The following ANKFY1 variants were observed in gnomAD, a reference collection of about 807,000 sequenced individuals.
The protein encoded by ANKFY1 is ankyrin repeat and FYVE domain-containing protein 1.
Under a neutral mutation model 128.3 loss-of-function variants are expected in ANKFY1, and 47 were observed. That is an observed-to-expected ratio of 0.37 (90% CI 0.29 to 0.47). The LOEUF (loss-of-function observed/expected upper bound fraction) is 0.47, where lower values mean the gene tolerates loss of function less well. ANKFY1 is among the 20% of genes least tolerant of loss of function. The pLI is 1.00. For synonymous variants in ANKFY1, 553 were observed against 601.6 expected (o/e 0.92, Z 1.18); for missense variants, 1,222 against 1,510.6 (o/e 0.81, Z 3.17).
At chr17:4,237,296 T>G (rs1307517716) in intron 2 of ANKFY1, among the ~76,000 whole-genome samples, 4 of 152,192 alleles carry the variant, frequency 2.6e-5, no homozygotes, top group Non-Finnish European at 5.9e-5. Context: ...CCAATGGATA[T>G]TAGATCACAA....
chr17:4,261,689 G>A (rs910980358), intron 1 of ANKFY1, among the ~76,000 whole-genome samples: 2 of 152,308 alleles, frequency 1.3e-5, no homozygotes, highest in South Asian at 2.1e-4. Context: ...GCTGGAACCC[G>A]ACTGCAAAGC....
At chr17:4,204,997 T>C (rs1199664417) in intron 7 of ANKFY1, among the ~76,000 whole-genome samples, 1 of 152,198 alleles carries the variant, frequency 6.6e-6, no homozygotes, top group African/African-American at 2.4e-5. Flanking sequence ...TATTAAAACC[T>C]TGGCCCAAAA....
chr17:4,263,696 C>G, intron 1 of ANKFY1: 1 of 1,512,614 alleles, frequency 6.6e-7, no homozygotes, highest in Non-Finnish European at 8.8e-7. Context: ...GCCAGCCCGG[C>G]TCCGCAGCCG....
At chr17:4,246,416 A>G (rs1307636088) in intron 1 of ANKFY1, among the ~76,000 whole-genome samples, 1 of 152,192 alleles carries the variant, frequency 6.6e-6, no homozygotes, top group Non-Finnish European at 1.5e-5. Context: ...ACAAATAATT[A>G]TGAGCCCAAG....
In ANKFY1 at chr17:4,183,848, G is replaced by C; in HGVS notation, c.1762C>G (p.Arg588Gly). ...IIPDFSLKDS[R>G]DQTVLGLALW... is the part of the protein sequence containing the mutation. ...GCCAGGCCCAGCACAGTCTGGTCTC[G>C]GGAATCTTTGAGGCTGAAGTCCGGA... Residue 588 changes from arginine to glycine, a missense_variant, in exon 13 of 25, where the codon CGA (arginine) becomes GGA (glycine). Coordinates refer to ENST00000341657, the MANE Select transcript of ANKFY1 (RefSeq NM_001330063.2). 6.2e-7 allele frequency: 1 copy of C among 1,613,904 alleles called. No homozygotes were observed. The highest frequency in any genetic ancestry group is 8.5e-7 in the Non-Finnish European group (1 of 1,179,798).
At chr17:4,234,457 T>C (rs924902031) in intron 3 of ANKFY1, among the ~76,000 whole-genome samples, 1 of 152,104 alleles carries the variant, frequency 6.6e-6, no homozygotes, top group Non-Finnish European at 1.5e-5. Flanking sequence ...CACAAAAAAA[T>C]GTGACATAAA....
chr17:4,254,069 G>A (rs1967984498), intron 1 of ANKFY1, among the ~76,000 whole-genome samples: 1 of 152,152 alleles, frequency 6.6e-6, no homozygotes, highest in Non-Finnish European at 1.5e-5. Flanking sequence ...ACTTTGAGAA[G>A]CCAAGGTAGG....
chr17:4,250,285 T>C (rs16953837), intron 1 of ANKFY1, among the ~76,000 whole-genome samples: 6,001 of 152,288 alleles, frequency 0.039, 156 homozygotes, highest in Non-Finnish European at 0.057. Flanking sequence ...ACTGCTACTA[T>C]AAACTCGACA....
intron 12 of ANKFY1, 118 bp downstream of exon 12, chr17:4,184,700 G>T: frequency 3.6e-6 from 4 of 1,100,152 alleles, no homozygotes; most frequent in Middle Eastern, 1.9e-4. Context: ...AGGATTTTTT[G>T]GGGGTAAGAA....
In ANKFY1 at chr17:4,169,581, G is replaced by A. The variant is rs889483232; in HGVS notation, c.3287-293C>T. Among the ~76,000 whole-genome samples, 11 of 152,188 alleles carry A rather than the reference G, an allele frequency of 7.2e-5. No homozygotes were observed. The highest frequency in any genetic ancestry group is 1.9e-4 in the African/African-American group (8 of 41,452). On this transcript the variant is annotated intron_variant, in intron 23 of 24. Transcript: ENST00000341657. The surrounding 1 kb of genome is among the most constrained non-coding windows in gnomAD (Gnocchi z 5.0). The stretch of plus-strand genomic sequence containing the variant: ...CAGGGATGGCTGGGATGGAAGGCAC[G>A]GTAGGGAGAGAACAGAGACCACACA...
intron 3 of ANKFY1, chr17:4,223,233 G>A (rs975250124): frequency 7.5e-6 from 6 of 800,424 alleles, no homozygotes; most frequent in East Asian, 2.5e-5. Flanking sequence ...GGGTGTATAC[G>A]AGAAAAGCCC....
At chr17:4,210,908 T>TACAG (rs2060117939) in intron 4 of ANKFY1, among the ~76,000 whole-genome samples, 1 of 151,392 alleles carries the variant, frequency 6.6e-6, no homozygotes, top group African/African-American at 2.4e-5. Flanking sequence ...GGCAGGCGCC[T>TACAG]GTAGTCCCAG....
rs899105959 is a variant in ANKFY1, at chr17:4,212,567, A to G, written c.459-2620T>C. Among the ~76,000 whole-genome samples, 5 of 152,334 alleles carry G rather than the reference A, an allele frequency of 3.3e-5. 1 individual carries two copies. The highest frequency in any genetic ancestry group is 6.5e-5 in the Admixed American group (1 of 15,292). Reference sequence around the variant, plus strand: ...AAAACCTGAAATTCCTTTACTAAGGAAAAATCACAAAAGGAAATCACTTAA... The same window carrying G: ...AAAACCTGAAATTCCTTTACTAAGGGAAAATCACAAAAGGAAATCACTTAA... On this transcript the variant is annotated intron_variant, in intron 4 of 24. Transcript: ENST00000341657.
intron 1 of ANKFY1, among the ~76,000 whole-genome samples, chr17:4,263,367 C>T (rs1210048202): frequency 6.6e-6 from 1 of 152,200 alleles, no homozygotes; most frequent in Non-Finnish European, 1.5e-5. Flanking sequence ...TTCCTCCCGT[C>T]TTCATCTGTA....
chr17:4,177,105 C>T, intron 19 of ANKFY1, 21 bp downstream of exon 19: 1 of 1,557,190 alleles, frequency 6.4e-7, no homozygotes, highest in African/African-American at 1.4e-5. Flanking sequence ...TTATTACATG[C>T]AATACTTCTG....
chr17:4,258,031 A>G (rs1403580272), intron 1 of ANKFY1, among the ~76,000 whole-genome samples: 4 of 152,232 alleles, frequency 2.6e-5, no homozygotes, highest in Admixed American at 6.5e-5. Flanking sequence ...CATAACCACT[A>G]ATGGATAAAT....
At position 4,169,387 on chromosome 17, in the gene ANKFY1, C is replaced by T. The variant is rs2059273382; in HGVS notation, c.3287-99G>A. The T allele has an allele frequency of 3.6e-5, 31 of 854,318 alleles. No individual in the cohort carries two copies. The South Asian group carries it at 4.8e-4, about 13-fold the overall frequency. 52.9% of individuals were successfully genotyped at this position (854,318 alleles called of 1,614,324 possible). A position where few individuals can be genotyped will look rare whatever the true frequency, so the allele number is the denominator to read the frequency against. On this transcript the variant is annotated intron_variant, in intron 23 of 24. Transcript: ENST00000341657. This position sits in a 1 kb window ranked among gnomAD's most constrained non-coding sequence, Gnocchi z 5.0. ...CAGGAACACAGACCCGTAAGTGAGG[C>T]AGCGCTGCCACATGACATAGGTGAC...
intron 3 of ANKFY1, among the ~76,000 whole-genome samples, chr17:4,220,228 C>CTTTT (rs747439512): frequency 2.8e-4 from 42 of 152,198 alleles, no homozygotes; most frequent in Non-Finnish European, 5.3e-4. Context: ...GCTAAGCTGT[C>CTTTT]TAAGATCACC....
intron 1 of ANKFY1, among the ~76,000 whole-genome samples, chr17:4,263,124 G>A: frequency 6.6e-6 from 1 of 152,164 alleles, no homozygotes; most frequent in Non-Finnish European, 1.5e-5. Context: ...CCGTCTCTGG[G>A]CCTTCTTTCC....
Sources: gnomAD v4.1 joint callset for allele counts (sites outside exome capture counted in the v4.1 genomes callset) on GRCh38, gnomAD v4.1.1 for gene constraint, Gnocchi (gnomAD v3.1) non-coding constraint, MANE v1.5 for transcripts, NCBI Gene and HGNC (gene_info 2026-07-23, HGNC 2026-07-21) for gene names.